Variants in ZNF721 observed in about 807,000 individuals in gnomAD.
ZNF721 encodes the protein zinc finger protein 721.
ZNF721 carries 2 observed loss-of-function variants against 2.4 expected under a neutral mutation model. The ratio of observed to expected loss-of-function variants is 0.82; its 90% CI spans 0.34 to 2.58. ZNF721 has a LOEUF of 2.58. Ranked by LOEUF, ZNF721 falls within the 30% of genes most tolerant of loss-of-function variation. The pLI, the probability that ZNF721 is intolerant of heterozygous loss-of-function variation, is 0.11. For missense variants in ZNF721, 1,187 were observed against 1,085.5 expected (o/e 1.09, Z -1.31); for synonymous variants, 398 against 381.8 (o/e 1.04, Z -0.50).
chr4:497,824 G>C (rs530729205), intron 1 of ZNF721, among the ~76,000 whole-genome samples: 2 of 152,078 alleles, frequency 1.3e-5, no homozygotes, highest in African/African-American at 4.8e-5. Context: ...CGTGAACCCG[G>C]GAGGCGGAGC....
intron 2 of ZNF721, among the ~76,000 whole-genome samples, chr4:445,112 A>G (rs550995082): frequency 3.3e-5 from 5 of 151,064 alleles, no homozygotes; most frequent in African/African-American, 7.3e-5. Flanking sequence ...AGCCTCCCCA[A>G]TAGCTGGGAC....
At position 444,488 on chromosome 4, in the gene ZNF721, T is replaced by G. The variant is rs1362853589; in HGVS notation, c.35-56A>C. ...AGTTACTAGATTCATATGCATATAC[T>G]TTACAAATCATAAGATTATACAAAG... is the stretch of plus-strand genomic sequence containing the variant. On this transcript the variant is annotated intron_variant, in intron 2 of 2. Coordinates refer to ENST00000511833, the MANE Select transcript of ZNF721 (RefSeq NM_133474.4). The G allele has an allele frequency of 4.8e-6, 7 of 1,463,618 alleles. No homozygotes were observed. The African/African-American group carries it at 9.9e-5, about 21-fold the overall frequency. 90.7% of individuals were successfully genotyped at this position (1,463,618 alleles called of 1,614,324 possible). A position where few individuals can be genotyped will look rare whatever the true frequency, so the allele number is the denominator to read the frequency against.
At chr4:496,830 A>C (rs992620340) in intron 1 of ZNF721, among the ~76,000 whole-genome samples, 1 of 144,554 alleles carries the variant, frequency 6.9e-6, no homozygotes, top group Admixed American at 7.4e-5. Flanking sequence ...CTCCTGCCTC[A>C]GCCTTTTGAG....
chr4:475,743 C>A (rs1213136871), intron 1 of ZNF721, among the ~76,000 whole-genome samples: 1 of 131,102 alleles, frequency 7.6e-6, no homozygotes, highest in African/African-American at 2.9e-5. Flanking sequence ...CCTCTTAGTC[C>A]CAATATAGCT....
intron 2 of ZNF721, among the ~76,000 whole-genome samples, chr4:465,243 T>G (rs1715207458): frequency 6.6e-6 from 1 of 151,994 alleles, no homozygotes; most frequent in Non-Finnish European, 1.5e-5. Context: ...AAAACTTAGC[T>G]GGACCTGGTG....
intron 1 of ZNF721, among the ~76,000 whole-genome samples, chr4:487,355 T>C (rs1553870640): frequency 1.3e-5 from 2 of 152,174 alleles, no homozygotes; most frequent in Admixed American, 6.6e-5. Context: ...TAAAGTAGCA[T>C]GCTGAGGAAA....
At chr4:456,401 G>A (rs1464319208) in intron 2 of ZNF721, among the ~76,000 whole-genome samples, 1 of 151,386 alleles carries the variant, frequency 6.6e-6, no homozygotes, top group Non-Finnish European at 1.5e-5. Flanking sequence ...ACCAGGTAAG[G>A]GCAATATTTA....
chr4:473,404 T>C (rs1382026701), intron 1 of ZNF721, among the ~76,000 whole-genome samples: 1 of 152,038 alleles, frequency 6.6e-6, no homozygotes. Context: ...CCACCAATCA[T>C]CATCCTGATG....
intron 1 of ZNF721, chr4:474,092 A>C: frequency 2.3e-6 from 3 of 1,331,634 alleles, no homozygotes; most frequent in Non-Finnish European, 2.0e-6. Flanking sequence ...GGCCTCCCTG[A>C]GGTGTGGAAG....
chr4:482,559 T>A (rs1715797199), intron 1 of ZNF721, among the ~76,000 whole-genome samples: 1 of 151,652 alleles, frequency 6.6e-6, no homozygotes, highest in Non-Finnish European at 1.5e-5. Flanking sequence ...TGAAGTGGCG[T>A]GATCTCGGCT....
intron 1 of ZNF721, among the ~76,000 whole-genome samples, chr4:498,252 G>C (rs1373016882): frequency 6.7e-6 from 1 of 150,060 alleles, no homozygotes; most frequent in Non-Finnish European, 1.5e-5. Context: ...AAGGACATTG[G>C]TTCTGTCCAG....
intron 2 of ZNF721, among the ~76,000 whole-genome samples, chr4:471,834 T>C (rs1715445690): frequency 1.3e-5 from 2 of 152,198 alleles, no homozygotes; most frequent in African/African-American, 4.8e-5. Flanking sequence ...TATATGCATA[T>C]ATTACAAAAT....
intron 2 of ZNF721, among the ~76,000 whole-genome samples, chr4:463,269 AG>A (rs1424311104): frequency 6.6e-6 from 1 of 152,192 alleles, no homozygotes; most frequent in Non-Finnish European, 1.5e-5. Flanking sequence ...GGTGCTGGAG[AG>A]GATGTGGAGA....
chr4:454,658 G>C (rs1362825448), intron 2 of ZNF721, among the ~76,000 whole-genome samples: 1 of 152,142 alleles, frequency 6.6e-6, no homozygotes, highest in African/African-American at 2.4e-5. Flanking sequence ...GTATCTGTAA[G>C]GGTATTTTCC....
rs531367800 is a variant in ZNF721 at position 474,116 on chromosome 4, C to A, written c.-93-1415G>T. 1.0e-3 allele frequency: 1,186 copies of A among 1,152,720 alleles called. 17 individuals are homozygous for A. In the South Asian group the frequency reaches 0.014, roughly 13 times the overall value. The allele number at this position is 1,152,720 out of a possible 1,614,324, so 71.4% of individuals were successfully genotyped here. A position where few individuals can be genotyped will look rare whatever the true frequency, so the allele number is the denominator to read the frequency against. On this transcript the variant is annotated intron_variant, in intron 1 of 2. Transcript: ENST00000511833. ...GAGGTGTGGAAGCAGGGAAGTGAGG[C>A]CCTAACCGAGCTCAGGCTGAAGCAA...
In ZNF721 at chr4:472,132, G is replaced by T. The variant is rs188458869; in HGVS notation, c.34+443C>A. ...GACAGGAGTTCAATGGCGCAATCTC[G>T]GCTCACTGCAACCTCTGCCTCCCAG... On this transcript the variant is annotated intron_variant, in intron 2 of 2. Coordinates refer to ENST00000511833, the MANE Select transcript of ZNF721 (RefSeq NM_133474.4). Among the ~76,000 whole-genome samples, 22 of 152,198 alleles carry T rather than the reference G, an allele frequency of 1.4e-4. 1 individual carries two copies. In the East Asian group the frequency reaches 4.1e-3, roughly 28 times the overall value.
intron 2 of ZNF721, among the ~76,000 whole-genome samples, chr4:446,523 G>A (rs1204224787): frequency 6.6e-6 from 1 of 151,312 alleles, no homozygotes; most frequent in African/African-American, 2.4e-5. Flanking sequence ...TAGAACTACA[G>A]GTACACACCA....
intron 1 of ZNF721, among the ~76,000 whole-genome samples, chr4:498,726 C>CT (rs1180549953): frequency 0.039 from 5,104 of 132,460 alleles, 165 homozygotes; most frequent in African/African-American, 0.073. Context: ...GTTGAATTTT[C>CT]TTTTTTTTTT....
chr4:443,660 C>T lies in ZNF721; in HGVS notation c.807G>A (p.Arg269=), dbSNP rs1204648116. The T allele has an allele frequency of 5.0e-6, 8 of 1,613,476 alleles. No homozygotes were observed. In the East Asian group the frequency reaches 6.7e-5, roughly 13 times the overall value. Residue 269 remains arginine (R), a synonymous_variant, in exon 3 of 3, where the codon AGG becomes AGA. Coordinates refer to ENST00000511833, the MANE Select transcript of ZNF721 (RefSeq NM_133474.4). ...TAAAGGGTTTCTCGCCAGTATGAAT[C>T]CTCTTATGTTTAGCAAAGCTTGAGG... ...SSSSSFAKHK[R]IHTGEKPFKC... is the part of the protein sequence containing the mutation.
Sources: allele counts gnomAD v4.1 joint callset (sites outside exome capture counted in the v4.1 genomes callset), GRCh38; gene constraint gnomAD v4.1.1; transcripts MANE v1.5; gene names NCBI Gene and HGNC (gene_info 2026-07-23, HGNC 2026-07-21).